CCDC57: variants seen among roughly 807,000 people sequenced by gnomAD.
The protein encoded by CCDC57 is coiled-coil domain-containing protein 57.
CCDC57 carries 118 observed loss-of-function variants against 118.9 expected under a neutral mutation model. The ratio of observed to expected loss-of-function variants is 0.99; its 90% CI spans 0.86 to 1.16. The LOEUF is 1.16. CCDC57 is among the 50% of genes most tolerant of loss of function. The pLI is 0.00. For synonymous variants in CCDC57, 527 were observed against 532.9 expected, an observed-to-expected ratio of 0.99 and a Z score of 0.15; for missense variants, 1,300 against 1,320.7, an observed-to-expected ratio of 0.98 and a Z score of 0.24.
chr17:82,155,288 C>T (rs1312904328), intron 15 of CCDC57: 1 of 152,240 alleles, frequency 6.6e-6, no homozygotes, highest in Non-Finnish European at 1.5e-5. Flanking sequence ...CCCGGCGCGC[C>T]GTTCCTGTCG....
intron 16 of CCDC57, among the ~76,000 whole-genome samples, chr17:82,137,368 T>C (rs535387308): frequency 2.9e-4 from 44 of 152,356 alleles, no homozygotes; most frequent in African/African-American, 1.0e-3. Flanking sequence ...TGAAGGGTTA[T>C]TCTTTACTTT....
chr17:82,179,371 G>A (rs550290858), intron 9 of CCDC57, among the ~76,000 whole-genome samples, 182 bp from the exon 9 acceptor site: 42 of 152,338 alleles, frequency 2.8e-4, no homozygotes, highest in Admixed American at 5.2e-4. Context: ...ATACAAAGAC[G>A]AGCAGGCGCC....
At chr17:82,113,307 T>C in intron 19 of CCDC57, 1 of 673,688 alleles carries the variant, frequency 1.5e-6, no homozygotes, top group East Asian at 2.7e-5. Context: ...TTCCTGTAGC[T>C]TCAGTGACAA....
intron 19 of CCDC57, among the ~76,000 whole-genome samples, chr17:82,108,421 T>C (rs1035613069): frequency 4.5e-4 from 68 of 152,162 alleles, no homozygotes; most frequent in African/African-American, 1.4e-3. Context: ...AATCTGCATA[T>C]TTATAGCAGG....
At chr17:82,106,876 C>G (rs1190279465) in intron 19 of CCDC57, among the ~76,000 whole-genome samples, 1 of 152,170 alleles carries the variant, frequency 6.6e-6, no homozygotes, top group Admixed American at 6.5e-5. Context: ...GCCCATGGGG[C>G]CTTCCCAGGT....
At chr17:82,134,034 T>C in intron 17 of CCDC57, 39 bp downstream of exon 16, 8 of 1,341,788 alleles carry the variant, frequency 6.0e-6, no homozygotes, top group South Asian at 2.1e-5. Context: ...ATTAGGGAAA[T>C]ATTTTTAAAA....
At chr17:82,143,827 A>G (rs1487975872) in intron 16 of CCDC57, among the ~76,000 whole-genome samples, 3 of 151,768 alleles carry the variant, frequency 2.0e-5, no homozygotes, top group Non-Finnish European at 4.4e-5. Context: ...GGCCGGGCGC[A>G]GTGGCTCACA....
intron 15 of CCDC57, chr17:82,156,058 G>T (rs1339330065): frequency 6.6e-6 from 1 of 152,132 alleles, no homozygotes; most frequent in Non-Finnish European, 1.5e-5. Flanking sequence ...CACTTTGGGG[G>T]ACTGAGGCAG....
rs761815142 is a variant in CCDC57 at position 82,172,793 on chromosome 17, C to A, written c.1574G>T (p.Arg525Leu). 1.2e-6 allele frequency: 2 copies of A among 1,613,496 alleles called. No homozygotes were observed. Among genetic ancestry groups the A allele is most frequent in the Non-Finnish European group, 1.7e-6 (2 of 1,179,734 alleles). The change falls in exon 12 of 20, where the codon CGA (arginine) becomes CTA (leucine). Residue 525 changes from arginine to leucine, a missense_variant. Coordinates refer to ENST00000665763, the Ensembl canonical transcript of CCDC57. The surrounding 1 kb of genome is among the most constrained non-coding windows in gnomAD (Gnocchi z 5.2). Reference sequence around the variant, plus strand: ...GTTTCGCAAGCTCGTGTTCTGCTCTCGGAGCCGCTGGATCTCACTGGATGG... The same window carrying A: ...GTTTCGCAAGCTCGTGTTCTGCTCTAGGAGCCGCTGGATCTCACTGGATGG...
chr17:82,126,009 G>T (rs9910422), intron 19 of CCDC57, among the ~76,000 whole-genome samples: 1,930 of 152,258 alleles, frequency 0.013, 41 homozygotes, highest in African/African-American at 0.044. Flanking sequence ...GGCCAGGCAC[G>T]GTGGCTCACC....
At chr17:82,146,603 G>A (rs747660768) in intron 16 of CCDC57, among the ~76,000 whole-genome samples, 1 of 152,208 alleles carries the variant, frequency 6.6e-6, no homozygotes, top group South Asian at 2.1e-4. Context: ...AATGGGGTAT[G>A]TTTGGTATAA....
At chr17:82,113,386 T>C (rs1163119115) in intron 19 of CCDC57, 7 of 717,460 alleles carry the variant, frequency 9.8e-6, no homozygotes, top group Non-Finnish European at 1.8e-5. Context: ...CAGTCACAGC[T>C]TGTCCTGAGA....
chr17:82,151,235 A>ACACCCAGAACCTGACC (rs2145845696), intron 16 of CCDC57, among the ~76,000 whole-genome samples: 1 of 60,916 alleles, frequency 1.6e-5, no homozygotes, highest in African/African-American at 7.2e-5. Flanking sequence ...AGAACCTGGC[A>ACACCCAGAACCTGACC]CACACCCAGA....
intron 17 of CCDC57, among the ~76,000 whole-genome samples, 161 bp downstream of exon 16, chr17:82,133,912 C>G (rs1387598204): frequency 6.6e-6 from 1 of 152,036 alleles, no homozygotes; most frequent in Non-Finnish European, 1.5e-5. Context: ...AACAAAAACC[C>G]AGCAGAAAAC....
At chr17:82,157,656 C>A (rs2042836877) in intron 15 of CCDC57, 92 bp downstream of exon 14, 4 of 1,488,130 alleles carry the variant, frequency 2.7e-6, no homozygotes, top group Admixed American at 2.2e-5. Flanking sequence ...GCTCCCAGGG[C>A]ATACAGACAG....
At chr17:82,136,287 G>C (rs1327516110) in intron 16 of CCDC57, among the ~76,000 whole-genome samples, 1 of 152,198 alleles carries the variant, frequency 6.6e-6, no homozygotes, top group Non-Finnish European at 1.5e-5. Context: ...GCCCCAGCAC[G>C]AGGGACCCTC....
intron 16 of CCDC57, among the ~76,000 whole-genome samples, chr17:82,149,514 C>T (rs1434833353): frequency 2.0e-5 from 3 of 152,102 alleles, no homozygotes; most frequent in Admixed American, 6.5e-5. Flanking sequence ...ACCACAGAGC[C>T]GCACAGAAAT....
chr17:82,152,179 T>G, intron 15 of CCDC57: 1 of 208,904 alleles, frequency 4.8e-6, no homozygotes, highest in Non-Finnish European at 9.8e-6. Flanking sequence ...CCTCCAGCAG[T>G]GCCCAGGACC....
chr17:82,142,845 CT>C (rs1478669632), intron 16 of CCDC57, among the ~76,000 whole-genome samples: 1 of 152,150 alleles, frequency 6.6e-6, no homozygotes. Context: ...GAAATTCCCC[CT>C]AACAAGTAGC....
Sources: gnomAD v4.1 joint callset for allele counts (sites outside exome capture counted in the v4.1 genomes callset) on GRCh38, gnomAD v4.1.1 for gene constraint, Gnocchi (gnomAD v3.1) non-coding constraint, MANE v1.5 for transcripts, NCBI Gene and HGNC (gene_info 2026-07-23, HGNC 2026-07-21) for gene names.